Variants in RIMS2 observed in about 807,000 individuals in gnomAD.
RIMS2 encodes the protein regulating synaptic membrane exocytosis protein 2.
Under a neutral mutation model 174.4 loss-of-function variants are expected in RIMS2, and 59 were observed. The observed-to-expected ratio is 0.34, with a 90% CI of 0.27 to 0.42. The LOEUF (loss-of-function observed/expected upper bound fraction) is 0.42, where lower values mean the gene tolerates loss of function less well. Ranked by LOEUF, RIMS2 falls within the 10% of genes least tolerant of loss-of-function variation. RIMS2 has a pLI of 1.00. For synonymous variants in RIMS2, 606 were observed against 572.5 expected (o/e 1.06, Z -0.84); for missense variants, 1,620 against 1,666.3 (o/e 0.97, Z 0.48).
intron 19 of RIMS2, among the ~76,000 whole-genome samples, chr8:104,231,227 G>C (rs977245816): frequency 6.6e-6 from 1 of 151,996 alleles, no homozygotes; most frequent in Non-Finnish European, 1.5e-5. Context: ...CACTGCTCCT[G>C]TATCAGTTCT....
At chr8:103,611,643 A>G (rs1183920184) in intron 1 of RIMS2, among the ~76,000 whole-genome samples, 1 of 151,844 alleles carries the variant, frequency 6.6e-6, no homozygotes, top group Non-Finnish European at 1.5e-5. Context: ...GCCACCAGAC[A>G]TATTGGAGCT....
In RIMS2 at chr8:103,696,862, C is replaced by CAAAAAAAAA. The variant is rs55852238; in HGVS notation, c.177-209_177-201dup. ...TGGGTAACAGAGCGAGACTTCGTCT[C>CAAAAAAAAA]AAAAAAAAAAAAAAAAAAAAAAAGA... On this transcript the variant is annotated intron_variant, in intron 1 of 23. Transcript: ENST00000504942. 7.6e-3 allele frequency among the ~76,000 whole-genome samples: 409 copies of CAAAAAAAAA among 53,532 alleles called. 15 individuals are homozygous for CAAAAAAAAA. Among genetic ancestry groups the CAAAAAAAAA allele is most frequent in the Non-Finnish European group, 0.011 (303 of 28,482 alleles). 35.1% of individuals were successfully genotyped at this position (53,532 alleles called of 152,430 possible). A position where few individuals can be genotyped will look rare whatever the true frequency, so the allele number is the denominator to read the frequency against.
intron 13 of RIMS2, among the ~76,000 whole-genome samples, chr8:103,940,870 C>G (rs1440554070): frequency 3.1e-5 from 4 of 129,468 alleles, no homozygotes; most frequent in Admixed American, 2.3e-4. Context: ...AGTGAGACTC[C>G]ATCTCAAAAA....
intron 19 of RIMS2, among the ~76,000 whole-genome samples, chr8:104,063,703 T>G (rs897091982): frequency 6.6e-6 from 1 of 152,198 alleles, no homozygotes. Flanking sequence ...ATCCTCAGAT[T>G]TGAGCATTTT....
intron 15 of RIMS2, among the ~76,000 whole-genome samples, chr8:103,966,135 TG>T (rs2091767059): frequency 6.6e-6 from 1 of 152,294 alleles, no homozygotes; most frequent in African/African-American, 2.4e-5. Context: ...GAGGTAATAC[TG>T]GCCTTATAAA....
intron 1 of RIMS2, among the ~76,000 whole-genome samples, chr8:103,571,122 A>G (rs559852763): frequency 4.6e-5 from 7 of 152,288 alleles, no homozygotes; most frequent in East Asian, 1.9e-4. Context: ...CCTGTTAACT[A>G]GATTATAAAT....
intron 1 of RIMS2, among the ~76,000 whole-genome samples, chr8:103,516,430 T>C (rs1413061258): frequency 6.6e-6 from 1 of 152,098 alleles, no homozygotes; most frequent in Non-Finnish European, 1.5e-5. Flanking sequence ...TTAATTAAAT[T>C]ATGTTACATT....
At chr8:104,095,273 T>C (rs1430039307) in intron 19 of RIMS2, among the ~76,000 whole-genome samples, 2 of 152,162 alleles carry the variant, frequency 1.3e-5, no homozygotes, top group African/African-American at 4.8e-5. Flanking sequence ...TGCTTCTTCT[T>C]AGTTTTCTGG....
intron 19 of RIMS2, among the ~76,000 whole-genome samples, chr8:104,032,991 G>A (rs371121157): frequency 6.6e-6 from 1 of 151,828 alleles, no homozygotes; most frequent in Admixed American, 6.6e-5. Context: ...TACAATTGTA[G>A]TAAGTGCTAT....
intron 19 of RIMS2, among the ~76,000 whole-genome samples, chr8:104,221,313 G>T (rs532717103): frequency 6.6e-6 from 1 of 152,192 alleles, no homozygotes; most frequent in South Asian, 2.1e-4. Context: ...CACTAACCAT[G>T]TGGGCTGAAC....
At chr8:104,075,270 G>A (rs1211649430) in intron 19 of RIMS2, among the ~76,000 whole-genome samples, 3 of 152,150 alleles carry the variant, frequency 2.0e-5, no homozygotes, top group African/African-American at 4.8e-5. Context: ...TAGAACAAGA[G>A]GATTCTAATA....
chr8:103,641,994 C>G (rs1359286476), intron 1 of RIMS2, among the ~76,000 whole-genome samples: 1 of 145,600 alleles, frequency 6.9e-6, no homozygotes, highest in African/African-American at 2.5e-5. Context: ...TTGTTTTCAT[C>G]CATTCTGATA....
intron 1 of RIMS2, among the ~76,000 whole-genome samples, chr8:103,553,112 T>G (rs1347410817): frequency 2.0e-5 from 3 of 152,022 alleles, no homozygotes; most frequent in Non-Finnish European, 4.4e-5. Flanking sequence ...ACCCAAAGGA[T>G]TATAAATCAT....
intron 1 of RIMS2, among the ~76,000 whole-genome samples, chr8:103,676,561 T>C (rs1396497215): frequency 3.5e-5 from 5 of 144,616 alleles, no homozygotes; most frequent in Admixed American, 2.2e-4. Flanking sequence ...GCTTAAGCTT[T>C]TTATTTGCCT....
intron 3 of RIMS2, among the ~76,000 whole-genome samples, chr8:103,818,105 A>G (rs1323103358): frequency 2.0e-5 from 3 of 152,170 alleles, no homozygotes; most frequent in Non-Finnish European, 4.4e-5. Context: ...TTAAAAATTT[A>G]TATTATTACA....
In RIMS2 at chr8:103,734,014, CTTTTTTTTTTT is replaced by C. The variant is rs59348302; in HGVS notation, c.388-32198_388-32188del. 5.1e-4 allele frequency among the ~76,000 whole-genome samples: 44 copies of C among 85,736 alleles called. 1 individual carries two copies. Among genetic ancestry groups the C allele is most frequent in the Non-Finnish European group, 5.1e-4 (25 of 49,430 alleles). 56.2% of individuals were successfully genotyped at this position (85,736 alleles called of 152,430 possible). On this transcript the variant is annotated intron_variant, in intron 2 of 23. Coordinates refer to ENST00000504942, the Ensembl canonical transcript of RIMS2. ...CTTGCTTTACCTCTCCTAAAAGCTT[CTTTTTTTTTTT>C]TTTTTTTTTTTTTTCCCAGACGGAG...
chr8:103,918,654 A>T lies in RIMS2; in HGVS notation c.2083+167A>T, dbSNP rs1255707109. The T allele has an allele frequency of 5.1e-6, 3 of 590,678 alleles. No individual in the cohort carries two copies. In the East Asian group the frequency reaches 8.5e-5, roughly 17 times the overall value. 36.6% of individuals were successfully genotyped at this position (590,678 alleles called of 1,614,324 possible). A position where few individuals can be genotyped will look rare whatever the true frequency, so the allele number is the denominator to read the frequency against. On this transcript the variant is annotated intron_variant, in intron 9 of 23. Coordinates refer to ENST00000504942, the Ensembl canonical transcript of RIMS2. ...TAGTATTATTTCATGTCACTGTGGG[A>T]AAAACAAAAATGTAGAATATTTTAA...
rs568051635 is a variant in RIMS2 at position 103,542,123 on chromosome 8, C to A, written c.176+41061C>A. ...GCTAGACTATGAAAAGAAGAGAAGA[C>A]TCCATTAAATGAAATCAGGAATTAA... On this transcript the variant is annotated intron_variant, in intron 1 of 23. Coordinates refer to ENST00000504942, the Ensembl canonical transcript of RIMS2. Among the ~76,000 whole-genome samples the A allele has an allele frequency of 2.6e-5, 4 of 152,116 alleles. No homozygotes were observed. In the East Asian group the frequency reaches 7.7e-4, roughly 29 times the overall value.
At position 104,130,998 on chromosome 8, in the gene RIMS2, C is replaced by T. The variant is rs549924105; in HGVS notation, c.3335-113918C>T. 4.6e-5 allele frequency among the ~76,000 whole-genome samples: 7 copies of T among 152,264 alleles called. No individual in the cohort carries two copies. The South Asian group carries it at 1.5e-3, about 32-fold the overall frequency. On this transcript the variant is annotated intron_variant, in intron 19 of 23. Coordinates refer to ENST00000504942, the Ensembl canonical transcript of RIMS2. ...GTTACGCATAGGTCAGAGCATTACT[C>T]ATTTTGTAGGCCATGCAACGGAGCT...
Sources: allele counts gnomAD v4.1 joint callset (sites outside exome capture counted in the v4.1 genomes callset), GRCh38; gene constraint gnomAD v4.1.1; transcripts MANE v1.5; gene names NCBI Gene and HGNC (gene_info 2026-07-23, HGNC 2026-07-21).